The following PLXDC2 variants were observed in gnomAD, a reference collection of about 807,000 sequenced individuals.
The protein encoded by PLXDC2 is plexin domain containing 2.
In PLXDC2, 40 loss-of-function variants were observed where a neutral mutation model predicts 68.9. That is an observed-to-expected ratio of 0.58 (90% CI 0.45 to 0.76). The LOEUF is 0.76. Among genes scored for constraint, PLXDC2 ranks in the 30% least tolerant of loss-of-function variants. The pLI is 0.00. For missense variants in PLXDC2, 644 were observed against 661.9 expected (o/e 0.97, Z 0.30); for synonymous variants, 243 against 234.2 (o/e 1.04, Z -0.34).
chr10:20,228,517 G>A (rs1016861525), intron 12 of PLXDC2, among the ~76,000 whole-genome samples: 6 of 151,708 alleles, frequency 4.0e-5, no homozygotes, highest in African/African-American at 1.5e-4. Context: ...AGCCATGATT[G>A]CACCACTGCA....
chr10:20,076,707 C>G (rs890090558), intron 4 of PLXDC2, among the ~76,000 whole-genome samples: 4 of 152,128 alleles, frequency 2.6e-5, no homozygotes, highest in Admixed American at 6.6e-5. Flanking sequence ...TGTTTAGGAA[C>G]CTAATCCATT....
At chr10:20,078,130 T>A (rs907573792) in intron 4 of PLXDC2, among the ~76,000 whole-genome samples, 5 of 152,192 alleles carry the variant, frequency 3.3e-5, no homozygotes, top group African/African-American at 4.8e-5. Context: ...CTTGCAGAAA[T>A]TTTTAAAGCT....
chr10:20,219,207 T>A, intron 12 of PLXDC2, 105 bp downstream of exon 12: 1 of 1,202,762 alleles, frequency 8.3e-7, no homozygotes, highest in South Asian at 1.5e-5. Context: ...AAAGGTGAGG[T>A]TGTGTTTTAT....
At chr10:20,161,033 A>G (rs1186993000) in intron 6 of PLXDC2, among the ~76,000 whole-genome samples, 1 of 152,186 alleles carries the variant, frequency 6.6e-6, no homozygotes, top group Non-Finnish European at 1.5e-5. Context: ...TAGGATGAGC[A>G]ATACTACCTC....
chr10:19,955,364 T>C (rs376839445), intron 1 of PLXDC2, among the ~76,000 whole-genome samples: 1 of 152,052 alleles, frequency 6.6e-6, no homozygotes, highest in East Asian at 1.9e-4. Flanking sequence ...AACTGAACTA[T>C]GTTCCTAGAA....
intron 12 of PLXDC2, among the ~76,000 whole-genome samples, chr10:20,220,218 C>T (rs1413661919): frequency 6.6e-6 from 1 of 152,114 alleles, no homozygotes; most frequent in Non-Finnish European, 1.5e-5. Flanking sequence ...AAAATATATA[C>T]TAGCTAGAAA....
intron 4 of PLXDC2, among the ~76,000 whole-genome samples, chr10:20,080,582 A>C (rs1327190457): frequency 6.6e-6 from 1 of 152,180 alleles, no homozygotes; most frequent in Non-Finnish European, 1.5e-5. Context: ...AAGAGTCAGC[A>C]AGTCAGCTTC....
intron 1 of PLXDC2, among the ~76,000 whole-genome samples, chr10:19,866,484 A>C (rs908384237): frequency 6.6e-6 from 1 of 152,184 alleles, no homozygotes; most frequent in South Asian, 2.1e-4. Flanking sequence ...TTGTGATTAC[A>C]CTAGGCCCAC....
intron 4 of PLXDC2, among the ~76,000 whole-genome samples, chr10:20,082,463 A>C (rs1836585457): frequency 6.8e-6 from 1 of 147,352 alleles, no homozygotes; most frequent in African/African-American, 2.6e-5. Flanking sequence ...AGTAGCTGTT[A>C]CACATATTAA....
intron 13 of PLXDC2, among the ~76,000 whole-genome samples, chr10:20,265,895 C>T (rs1445411554): frequency 6.6e-6 from 1 of 152,124 alleles, no homozygotes; most frequent in African/African-American, 2.4e-5. Flanking sequence ...GCCTTTGCCA[C>T]ACCTTCTTTC....
At chr10:20,200,279 A>G (rs1834899197) in intron 9 of PLXDC2, among the ~76,000 whole-genome samples, 1 of 152,038 alleles carries the variant, frequency 6.6e-6, no homozygotes, top group African/African-American at 2.4e-5. Flanking sequence ...AAAATAAGTG[A>G]TTGTACAGTT....
intron 12 of PLXDC2, among the ~76,000 whole-genome samples, chr10:20,229,908 A>T (rs1007182934): frequency 6.6e-6 from 1 of 152,240 alleles, no homozygotes; most frequent in African/African-American, 2.4e-5. Flanking sequence ...CACAGTTAAC[A>T]TACTCACCAG....
chr10:20,209,682 T>G (rs1242207876), intron 9 of PLXDC2, among the ~76,000 whole-genome samples: 1 of 152,142 alleles, frequency 6.6e-6, no homozygotes, highest in Non-Finnish European at 1.5e-5. Flanking sequence ...ATCCTGTTCT[T>G]TTCTCAAGGC....
At chr10:20,259,899 A>G (rs1835787693) in intron 13 of PLXDC2, among the ~76,000 whole-genome samples, 1 of 152,210 alleles carries the variant, frequency 6.6e-6, no homozygotes, top group Non-Finnish European at 1.5e-5. Context: ...AGTAAAATGA[A>G]TAATGAGTAG....
intron 2 of PLXDC2, among the ~76,000 whole-genome samples, chr10:20,036,295 A>C (rs569569731): frequency 9.2e-5 from 14 of 152,118 alleles, no homozygotes; most frequent in Non-Finnish European, 1.8e-4. Flanking sequence ...TTCCTATAAG[A>C]GGAGGAGAAG....
At chr10:19,847,796 C>G (rs541900814) in intron 1 of PLXDC2, among the ~76,000 whole-genome samples, 1 of 152,202 alleles carries the variant, frequency 6.6e-6, no homozygotes, top group African/African-American at 2.4e-5. Flanking sequence ...CACATAGAGT[C>G]TATATTTTGG....
At chr10:19,940,453 T>C (rs1312353914) in intron 1 of PLXDC2, among the ~76,000 whole-genome samples, 3 of 152,092 alleles carry the variant, frequency 2.0e-5, no homozygotes, top group African/African-American at 7.2e-5. Flanking sequence ...TTTTGAATTA[T>C]TTGAATTTCC....
chr10:20,180,942 A>G (rs1024032571), intron 9 of PLXDC2, among the ~76,000 whole-genome samples: 4 of 152,072 alleles, frequency 2.6e-5, no homozygotes, highest in Non-Finnish European at 5.9e-5. Context: ...AAAATCTGTG[A>G]GTGTCTCTGT....
chr10:20,083,046 A>G (rs1035585891), intron 4 of PLXDC2, among the ~76,000 whole-genome samples: 6 of 152,224 alleles, frequency 3.9e-5, no homozygotes, highest in African/African-American at 7.2e-5. Flanking sequence ...TATGCTTCCA[A>G]GTGAGCAGAA....
Sources: gnomAD v4.1 joint callset for allele counts (sites outside exome capture counted in the v4.1 genomes callset) on GRCh38, gnomAD v4.1.1 for gene constraint, MANE v1.5 for transcripts, NCBI Gene and HGNC (gene_info 2026-07-23, HGNC 2026-07-21) for gene names.